The following AGR3 variants were observed in gnomAD, a reference collection of about 807,000 sequenced individuals.
AGR3 encodes the protein anterior gradient protein 3.
A neutral mutation model predicts 24.5 loss-of-function variants in AGR3; 37 were observed. The ratio of observed to expected loss-of-function variants is 1.51; its 90% confidence interval spans 1.16 to 1.99. The LOEUF (loss-of-function observed/expected upper bound fraction) is 1.99, where lower values mean the gene tolerates loss of function less well. AGR3 is among the 30% of genes most tolerant of loss of function. The pLI is 0.00. For missense variants in AGR3, 228 were observed against 191.1 expected (o/e 1.19, Z -1.14); for synonymous variants, 75 against 61.6 (o/e 1.22, Z -1.02).
intron 2 of AGR3, among the ~76,000 whole-genome samples, chr7:16,877,722 G>T (rs916925843): frequency 1.8e-4 from 27 of 151,994 alleles, no homozygotes; most frequent in Non-Finnish European, 3.4e-4. Flanking sequence ...AATTAGCCGG[G>T]CATGGTGGCG....
At chr7:16,859,320 C>A, downstream of AGR3, 1 of 345,358 alleles carries the variant, frequency 2.9e-6, no homozygotes, top group Non-Finnish European at 5.2e-6. Context: ...ACTGTATAGG[C>A]ACCTCTTATT....
chr7:16,864,408 C>A, intron 3 of AGR3: 1 of 1,280,362 alleles, frequency 7.8e-7, no homozygotes, highest in Non-Finnish European at 1.1e-6. Flanking sequence ...GCTCTGTGTC[C>A]TGTGCGGGTT....
intron 2 of AGR3, among the ~76,000 whole-genome samples, chr7:16,877,560 C>CT (rs1374858131): frequency 6.6e-6 from 1 of 150,470 alleles, no homozygotes; most frequent in Admixed American, 6.7e-5. Flanking sequence ...GATATAGAAA[C>CT]TAACTTTGAG....
downstream of AGR3, among the ~76,000 whole-genome samples, chr7:16,856,580 T>C (rs1040337726): frequency 1.1e-4 from 17 of 152,224 alleles, no homozygotes; most frequent in Admixed American, 6.5e-4. Context: ...GGACTTTATC[T>C]AATTAATCCC....
At chr7:16,862,548 C>A (rs1473224931) in intron 4 of AGR3, 62 bp downstream of exon 4, 1 of 1,116,184 alleles carries the variant, frequency 9.0e-7, no homozygotes, top group Non-Finnish European at 1.2e-6. Context: ...TACCAGGTCA[C>A]TTTTCCTATT....
rs1562544003 is a variant in AGR3 at position 16,860,498 on chromosome 7, A to AC, written c.451+1dup. 6.2e-7 allele frequency: 1 copy of AC among 1,607,550 alleles called. No individual in the cohort carries two copies. The highest frequency in any genetic ancestry group is 8.5e-7 in the Non-Finnish European group (1 of 1,174,046). Reference sequence around the variant, plus strand: ...TGTTTGAGATCATTTGTGAATACTTACATAGGGGTAAATCCCGAGGCTCAT... The same window carrying AC: ...TGTTTGAGATCATTTGTGAATACTTACCATAGGGGTAAATCCCGAGGCTCAT... On this transcript the variant is annotated splice_donor_variant, in intron 7 of 7. Coordinates refer to ENST00000310398, the MANE Select transcript of AGR3 (RefSeq NM_176813.5). LOFTEE classifies it high-confidence loss of function.
intron 3 of AGR3, chr7:16,864,596 T>A: frequency 6.7e-7 from 1 of 1,494,410 alleles, no homozygotes; most frequent in Non-Finnish European, 9.3e-7. Flanking sequence ...TGATTTCTCA[T>A]TGGAATGGTT....
chr7:16,862,193 C>A (rs563599099), intron 4 of AGR3, 133 bp from the exon 5 acceptor site: 2 of 662,344 alleles, frequency 3.0e-6, no homozygotes, highest in South Asian at 2.0e-5. Context: ...AGTTCATTGG[C>A]CTATTGCCAC....
chr7:16,877,656 G>A (rs1286258687), intron 2 of AGR3, among the ~76,000 whole-genome samples: 1 of 151,950 alleles, frequency 6.6e-6, no homozygotes, highest in Non-Finnish European at 1.5e-5. Flanking sequence ...AAGGTCAGGA[G>A]ATCGAGACCA....
chr7:16,869,858 A>T (rs908327028), intron 3 of AGR3, among the ~76,000 whole-genome samples: 1 of 151,788 alleles, frequency 6.6e-6, no homozygotes, highest in Non-Finnish European at 1.5e-5. Context: ...AAAATGTTTA[A>T]TAATGATTAA....
chr7:16,873,537 A>G (rs1207323073), intron 3 of AGR3: 3 of 441,190 alleles, frequency 6.8e-6, no homozygotes, highest in African/African-American at 4.0e-5. Context: ...CTACAGCACT[A>G]TAGGGTACAT....
At chr7:16,861,294 A>G (rs1282323189) in intron 6 of AGR3, 90 bp downstream of exon 6, 1 of 965,916 alleles carries the variant, frequency 1.0e-6, no homozygotes, top group Non-Finnish European at 1.5e-6. Context: ...TTTAAAAAGA[A>G]TAGTACTTGA....
chr7:16,876,522 G>C (rs1367366598), intron 2 of AGR3, among the ~76,000 whole-genome samples: 1 of 151,726 alleles, frequency 6.6e-6, no homozygotes, highest in African/African-American at 2.4e-5. Context: ...GCTGCCCTGT[G>C]CTCTAAGGGG....
At chr7:16,868,999 T>G (rs913172102) in intron 3 of AGR3, among the ~76,000 whole-genome samples, 1 of 152,220 alleles carries the variant, frequency 6.6e-6, no homozygotes, top group Non-Finnish European at 1.5e-5. Flanking sequence ...ATTCCTACGC[T>G]ATGAGAACGT....
chr7:16,880,490 T>TTCCCCTCCTC (rs1782091477), intron 1 of AGR3, among the ~76,000 whole-genome samples: 2 of 48,576 alleles, frequency 4.1e-5, no homozygotes, highest in African/African-American at 1.4e-4. Flanking sequence ...TTCCCCTCCT[T>TTCCCCTCCTC]TCCCCTCCTT....
At chr7:16,864,260 G>T (rs528240095) in intron 3 of AGR3, 2 of 1,317,222 alleles carry the variant, frequency 1.5e-6, no homozygotes, top group Non-Finnish European at 2.1e-6. Flanking sequence ...TAGCAGGCTG[G>T]CTTCTATGTC....
chr7:16,859,751 C>G, intron 7 of AGR3, 120 bp from the exon 8 acceptor site: 1 of 613,564 alleles, frequency 1.6e-6, no homozygotes, highest in Non-Finnish European at 2.7e-6. Context: ...CATGGGAATT[C>G]GTCTATGACA....
intron 3 of AGR3, chr7:16,873,549 C>T: frequency 2.1e-6 from 1 of 483,262 alleles, no homozygotes; most frequent in East Asian, 3.6e-5. Context: ...AGGGTACATA[C>T]AGTTAACAAT....
intron 6 of AGR3, 55 bp downstream of exon 6, chr7:16,861,329 G>A: frequency 7.4e-7 from 1 of 1,344,000 alleles, no homozygotes; most frequent in African/African-American, 1.5e-5. Flanking sequence ...ATAAAAGCAA[G>A]AATGCTGATT....
Sources: gnomAD v4.1 joint callset for allele counts (sites outside exome capture counted in the v4.1 genomes callset) on GRCh38, gnomAD v4.1.1 for gene constraint, MANE v1.5 for transcripts, NCBI Gene and HGNC (gene_info 2026-07-23, HGNC 2026-07-21) for gene names.